Variants in STAU2 observed in about 807,000 individuals in gnomAD.
The protein encoded by STAU2 is staufen double-stranded RNA binding protein 2.
In STAU2, 20 loss-of-function variants were observed where a neutral mutation model predicts 65.9. That is an observed-to-expected ratio of 0.30 (90% CI 0.21 to 0.44). STAU2 has a LOEUF of 0.44. Ranked by LOEUF, STAU2 falls within the 20% of genes least tolerant of loss-of-function variation. The pLI, the probability that STAU2 is intolerant of heterozygous loss-of-function variation, is 1.00. For missense variants in STAU2, 558 were observed against 683.9 expected, an observed-to-expected ratio of 0.82 and a Z score of 2.05; for synonymous variants, 232 against 233.9, an observed-to-expected ratio of 0.99 and a Z score of 0.07.
At chr8:73,564,881 C>G (rs117770516) in intron 12 of STAU2, among the ~76,000 whole-genome samples, 2,542 of 152,186 alleles carry the variant, frequency 0.017, 27 homozygotes, top group Non-Finnish European at 0.026. Flanking sequence ...GGTTCACTGG[C>G]AGGTCTAAGT....
intron 4 of STAU2, among the ~76,000 whole-genome samples, chr8:73,707,071 C>A (rs971006600): frequency 6.6e-6 from 1 of 152,098 alleles, no homozygotes; most frequent in Non-Finnish European, 1.5e-5. Context: ...GAGAAGAAGG[C>A]AGAAGAAGCA....
chr8:73,453,323 A>T (rs1051573993), intron 13 of STAU2, among the ~76,000 whole-genome samples: 1 of 151,686 alleles, frequency 6.6e-6, no homozygotes, highest in African/African-American at 2.4e-5. Flanking sequence ...GTAGTAGCAT[A>T]TAAAATATCA....
intron 13 of STAU2, among the ~76,000 whole-genome samples, chr8:73,501,802 T>C (rs928525358): frequency 2.0e-5 from 3 of 152,078 alleles, no homozygotes; most frequent in African/African-American, 7.2e-5. Context: ...TGTCAATTGC[T>C]CTTTTGGCTC....
chr8:73,521,068 T>C (rs2128928454), intron 13 of STAU2, among the ~76,000 whole-genome samples: 1 of 152,286 alleles, frequency 6.6e-6, no homozygotes, highest in East Asian at 1.9e-4. Flanking sequence ...CAATATATTA[T>C]TGTTGTGATA....
intron 3 of STAU2, among the ~76,000 whole-genome samples, chr8:73,728,460 T>C (rs1805805455): frequency 1.4e-5 from 1 of 70,298 alleles, no homozygotes; most frequent in African/African-American, 4.7e-5. Flanking sequence ...TTTCCAACTT[T>C]TGCAAAAAAA....
chr8:73,638,981 G>T (rs991773299), intron 6 of STAU2, among the ~76,000 whole-genome samples: 1 of 151,896 alleles, frequency 6.6e-6, no homozygotes, highest in African/African-American at 2.4e-5. Context: ...ATAAAAAACT[G>T]CTTGTTGAAC....
chr8:73,741,408 T>A (rs1422936307), intron 1 of STAU2, among the ~76,000 whole-genome samples: 1 of 152,128 alleles, frequency 6.6e-6, no homozygotes, highest in Non-Finnish European at 1.5e-5. Flanking sequence ...TATCTACAGA[T>A]CTCTATGTAT....
At chr8:73,541,405 T>C (rs1447218050) in intron 13 of STAU2, among the ~76,000 whole-genome samples, 4 of 152,256 alleles carry the variant, frequency 2.6e-5, no homozygotes, top group Non-Finnish European at 1.5e-5. Context: ...GATACCACCA[T>C]GGAGAAGATA....
At chr8:73,477,970 T>C (rs947226761) in intron 13 of STAU2, among the ~76,000 whole-genome samples, 3 of 151,998 alleles carry the variant, frequency 2.0e-5, no homozygotes, top group Admixed American at 6.6e-5. Context: ...TACAAACCAA[T>C]CATGATCAAG....
In STAU2 at chr8:73,491,724, G is replaced by A. The variant is rs146964036; in HGVS notation, c.1530+60288C>T. On this transcript the variant is annotated intron_variant, in intron 13 of 14. Transcript: ENST00000524300. ...AGGACAGTAAAGAACCTTGAAGATAGCAAAGATCAAACCCATTATTTCACA... is the reference window on the plus strand; with the variant it reads ...AGGACAGTAAAGAACCTTGAAGATAACAAAGATCAAACCCATTATTTCACA... 5.6e-4 allele frequency among the ~76,000 whole-genome samples: 85 copies of A among 151,976 alleles called. 1 individual carries two copies. Among genetic ancestry groups the A allele is most frequent in the Middle Eastern group, 3.4e-3 (1 of 294 alleles).
intron 13 of STAU2, among the ~76,000 whole-genome samples, chr8:73,457,855 T>C (rs981996514): frequency 1.3e-5 from 2 of 152,206 alleles, no homozygotes; most frequent in Non-Finnish European, 2.9e-5. Flanking sequence ...GAGCCTGAGA[T>C]ACTCCCTTGT....
chr8:73,641,813 C>T (rs1437521138), intron 6 of STAU2, among the ~76,000 whole-genome samples: 2 of 152,144 alleles, frequency 1.3e-5, no homozygotes, highest in Non-Finnish European at 2.9e-5. Context: ...AATCTCTAGT[C>T]GAAATCAGAT....
intron 6 of STAU2, among the ~76,000 whole-genome samples, chr8:73,672,789 A>G (rs1260979070): frequency 1.3e-5 from 2 of 152,092 alleles, no homozygotes; most frequent in African/African-American, 4.8e-5. Flanking sequence ...GAAAGTCAAC[A>G]CTATAAACTG....
At chr8:73,743,755 T>G (rs1174030049) in intron 1 of STAU2, among the ~76,000 whole-genome samples, 1 of 148,938 alleles carries the variant, frequency 6.7e-6, no homozygotes, top group Non-Finnish European at 1.5e-5. Context: ...ATTACAAGCA[T>G]GAGCCACCAT....
intron 13 of STAU2, among the ~76,000 whole-genome samples, chr8:73,538,887 A>G (rs1321955802): frequency 6.6e-6 from 1 of 152,164 alleles, no homozygotes; most frequent in Non-Finnish European, 1.5e-5. Context: ...TTACTCTAAG[A>G]AAGCATTTCT....
rs189176663 is a variant in STAU2, at chr8:73,600,252, T to C, written c.1029+3474A>G. Among the ~76,000 whole-genome samples the C allele has an allele frequency of 6.6e-5, 10 of 152,358 alleles. No homozygotes were observed. The East Asian group carries it at 7.7e-4, about 12-fold the overall frequency. On this transcript the variant is annotated intron_variant, in intron 10 of 14. Transcript: ENST00000524300. ...ACTAAATGACAGTTCATACAGCACA[T>C]GAAACGCTGAAAACATATTCATTAC...
chr8:73,715,967 T>G (rs914111465), intron 3 of STAU2, among the ~76,000 whole-genome samples: 5 of 152,278 alleles, frequency 3.3e-5, no homozygotes, highest in Admixed American at 6.5e-5. Flanking sequence ...CAGGCTACAG[T>G]GCAGTGGCGC....
At chr8:73,736,502 T>C (rs1279838257) in intron 3 of STAU2, among the ~76,000 whole-genome samples, 1 of 152,166 alleles carries the variant, frequency 6.6e-6, no homozygotes, top group East Asian at 1.9e-4. Context: ...CAAGGTGCTA[T>C]AACAGCATAT....
intron 5 of STAU2, among the ~76,000 whole-genome samples, chr8:73,688,058 T>C (rs932030941): frequency 2.0e-5 from 3 of 151,916 alleles, no homozygotes; most frequent in Non-Finnish European, 4.4e-5. Context: ...AAATTTTCTG[T>C]GCTTTGTATT....
Sources: gnomAD v4.1 joint callset for allele counts (sites outside exome capture counted in the v4.1 genomes callset) on GRCh38, gnomAD v4.1.1 for gene constraint, MANE v1.5 for transcripts, NCBI Gene and HGNC (gene_info 2026-07-23, HGNC 2026-07-21) for gene names.